PLCB1: variants seen among roughly 807,000 people sequenced by gnomAD.
The protein encoded by PLCB1 is 1-phosphatidylinositol 4,5-bisphosphate phosphodiesterase beta-1.
Under a neutral mutation model 161.8 loss-of-function variants are expected in PLCB1, and 46 were observed. The ratio of observed to expected loss-of-function variants is 0.28; its 90% CI spans 0.22 to 0.36. PLCB1 has a LOEUF of 0.36. Among genes scored for constraint, PLCB1 ranks in the 10% least tolerant of loss-of-function variants. The pLI is 1.00. For missense variants in PLCB1, 1,016 were observed against 1,472.5 expected (o/e 0.69, Z 5.07); for synonymous variants, 517 against 503.7 (o/e 1.03, Z -0.35).
chr20:8,546,615 T>C (rs990997746), intron 3 of PLCB1, among the ~76,000 whole-genome samples: 5 of 152,124 alleles, frequency 3.3e-5, no homozygotes, highest in Non-Finnish European at 5.9e-5. Flanking sequence ...AATCACACTA[T>C]AAACAGACCT....
At chr20:8,535,961 A>T (rs922804879) in intron 3 of PLCB1, among the ~76,000 whole-genome samples, 1 of 151,846 alleles carries the variant, frequency 6.6e-6, no homozygotes, top group Non-Finnish European at 1.5e-5. Context: ...TTTTTAAACT[A>T]AGATTATTTT....
chr20:8,378,108 C>T (rs974552893), intron 3 of PLCB1, among the ~76,000 whole-genome samples: 2 of 152,150 alleles, frequency 1.3e-5, no homozygotes, highest in Non-Finnish European at 2.9e-5. Context: ...TGTGTACCAA[C>T]GTCCATCGAT....
chr20:8,294,003 A>G (rs1481451349), intron 2 of PLCB1, among the ~76,000 whole-genome samples: 1 of 152,160 alleles, frequency 6.6e-6, no homozygotes, highest in Non-Finnish European at 1.5e-5. Flanking sequence ...GCAATTGTTC[A>G]TTCAAGAAAG....
At chr20:8,278,480 A>G (rs1344981142) in intron 2 of PLCB1, among the ~76,000 whole-genome samples, 1 of 151,572 alleles carries the variant, frequency 6.6e-6, no homozygotes, top group Non-Finnish European at 1.5e-5. Context: ...ACATAAATGT[A>G]ACTTCTAAAA....
chr20:8,282,082 A>C (rs1353561678), intron 2 of PLCB1, among the ~76,000 whole-genome samples: 1 of 152,220 alleles, frequency 6.6e-6, no homozygotes, highest in African/African-American at 2.4e-5. Flanking sequence ...TTTACATTCC[A>C]TACCTCATAA....
chr20:8,612,476 C>A (rs1987931381), intron 3 of PLCB1, among the ~76,000 whole-genome samples: 1 of 152,138 alleles, frequency 6.6e-6, no homozygotes, highest in African/African-American at 2.4e-5. Flanking sequence ...ACCCAACTCC[C>A]TGTAGTAAAA....
At chr20:8,270,198 A>C (rs1446074667) in intron 2 of PLCB1, among the ~76,000 whole-genome samples, 2 of 152,198 alleles carry the variant, frequency 1.3e-5, no homozygotes, top group Non-Finnish European at 2.9e-5. Flanking sequence ...TTGTGCTAAG[A>C]GTACCTGTGT....
chr20:8,393,536 C>T (rs1987672724), intron 3 of PLCB1, among the ~76,000 whole-genome samples: 1 of 152,050 alleles, frequency 6.6e-6, no homozygotes, highest in East Asian at 1.9e-4. Flanking sequence ...TGCCTATACT[C>T]CCAGCTACTC....
intron 2 of PLCB1, among the ~76,000 whole-genome samples, chr20:8,224,837 C>T (rs1216337684): frequency 6.6e-6 from 1 of 152,094 alleles, no homozygotes; most frequent in Non-Finnish European, 1.5e-5. Flanking sequence ...CTGACTTCCT[C>T]TCATTAGATG....
intron 2 of PLCB1, among the ~76,000 whole-genome samples, chr20:8,195,937 T>C (rs2179136): frequency 0.93 from 142,242 of 152,176 alleles, 66,527 homozygotes; most frequent in African/African-American, 0.98. Flanking sequence ...CTCACAGTTC[T>C]GCTTGGCTGG....
intron 2 of PLCB1, among the ~76,000 whole-genome samples, chr20:8,165,980 T>G (rs1267820998): frequency 1.3e-5 from 2 of 152,178 alleles, no homozygotes; most frequent in African/African-American, 4.8e-5. Flanking sequence ...GGACCCTAGC[T>G]TCTCAATGAT....
chr20:8,431,522 T>C (rs2122579335), intron 3 of PLCB1, among the ~76,000 whole-genome samples: 1 of 152,298 alleles, frequency 6.6e-6, no homozygotes, highest in East Asian at 1.9e-4. Context: ...CCCAATAAGG[T>C]TTGCCACCAA....
At chr20:8,362,967 T>A (rs1986592849) in intron 2 of PLCB1, among the ~76,000 whole-genome samples, 1 of 152,188 alleles carries the variant, frequency 6.6e-6, no homozygotes, top group Non-Finnish European at 1.5e-5. Context: ...TCTCTGGGAC[T>A]TAGTTTCCTC....
At chr20:8,381,776 G>C (rs961894806) in intron 3 of PLCB1, among the ~76,000 whole-genome samples, 1 of 152,046 alleles carries the variant, frequency 6.6e-6, no homozygotes, top group Admixed American at 6.6e-5. Context: ...ATTTCTATGG[G>C]GTCAGTGGTG....
chr20:8,373,892 A>G lies in PLCB1; in HGVS notation c.246+2442A>G, dbSNP rs560339436. 3.3e-5 allele frequency among the ~76,000 whole-genome samples: 5 copies of G among 152,316 alleles called. No homozygotes were observed. The East Asian group carries it at 9.6e-4, about 29-fold the overall frequency. ...GTTTAAAATCTTCAAATTTCCAGAG[A>G]AAACCTCAGCTCAAATTGGACAAAT... On this transcript the variant is annotated intron_variant, in intron 3 of 31. Coordinates refer to ENST00000338037, the MANE Select transcript of PLCB1 (RefSeq NM_015192.4).
chr20:8,443,633 G>C (rs1808271825), intron 3 of PLCB1, among the ~76,000 whole-genome samples: 1 of 152,182 alleles, frequency 6.6e-6, no homozygotes. Flanking sequence ...ACTTCAGTCT[G>C]AGTTTCACCA....
Position 8,132,483 on chromosome 20 carries a change from G to T in PLCB1, c.-169G>T, listed in dbSNP as rs887183769. ...CCCCCGCGCGCTCTGCCTGCTGAGC[G>T]GCGCCGGAGGGAGGTGCGGAGGCCG... On this transcript the variant is annotated 5_prime_UTR_variant, in exon 1 of 32. Transcript: ENST00000338037. The surrounding 1 kb of genome is among the most constrained non-coding windows in gnomAD (Gnocchi z 5.2). 5.6e-6 allele frequency: 2 copies of T among 358,876 alleles called. No homozygotes were observed. Among genetic ancestry groups the T allele is most frequent in the African/African-American group, 2.1e-5 (1 of 46,616 alleles). 22.2% of individuals were successfully genotyped at this position (358,876 alleles called of 1,614,324 possible).
At chr20:8,790,116 G>GA in intron 30 of PLCB1, 59 bp from the exon 31 acceptor site, 1 of 1,212,310 alleles carries the variant, frequency 8.2e-7, no homozygotes, top group Non-Finnish European at 1.2e-6. Context: ...GGTATTTTCT[G>GA]AAAACGTGCA....
intron 31 of PLCB1, among the ~76,000 whole-genome samples, chr20:8,863,445 C>T (rs1298071492): frequency 6.6e-6 from 1 of 152,228 alleles, no homozygotes; most frequent in African/African-American, 2.4e-5. Flanking sequence ...CAATAGTTCT[C>T]ACACTTTGGG....
Sources: allele counts gnomAD v4.1 joint callset (sites outside exome capture counted in the v4.1 genomes callset), GRCh38; gene constraint gnomAD v4.1.1; non-coding constraint Gnocchi (gnomAD v3.1); transcripts MANE v1.5; gene names NCBI Gene and HGNC (gene_info 2026-07-23, HGNC 2026-07-21).